The following DOCK7 variants were observed in gnomAD, a reference collection of about 807,000 sequenced individuals.
DOCK7 encodes the protein dedicator of cytokinesis protein 7.
DOCK7 carries 138 observed loss-of-function variants against 271.0 expected under a neutral mutation model. The observed-to-expected ratio is 0.51, with a 90% CI of 0.44 to 0.59. The LOEUF (loss-of-function observed/expected upper bound fraction) is 0.59, where lower values mean the gene tolerates loss of function less well. DOCK7 is among the 20% of genes least tolerant of loss of function. The pLI is 0.00. For missense variants in DOCK7, 2,066 were observed against 2,592.4 expected, an observed-to-expected ratio of 0.80 and a Z score of 4.41; for synonymous variants, 823 against 876.1, an observed-to-expected ratio of 0.94 and a Z score of 1.07.
chr1:62,466,147 T>A (rs1645669099), intron 48 of DOCK7, among the ~76,000 whole-genome samples: 1 of 151,976 alleles, frequency 6.6e-6, no homozygotes, highest in Non-Finnish European at 1.5e-5. Flanking sequence ...CAGATGCCAA[T>A]ACAAAAATCA....
intron 10 of DOCK7, among the ~76,000 whole-genome samples, chr1:62,632,423 G>A (rs369364368): frequency 6.6e-6 from 1 of 152,046 alleles, no homozygotes; most frequent in South Asian, 2.1e-4. Flanking sequence ...GGTAATCAAG[G>A]ATCAAGAAAA....
intron 14 of DOCK7, chr1:62,601,803 A>T: frequency 6.2e-7 from 1 of 1,609,866 alleles, no homozygotes; most frequent in Non-Finnish European, 8.5e-7. Context: ...TTTATAACAG[A>T]GGTGAACATA....
chr1:62,471,863 A>G (rs1645839834), intron 48 of DOCK7, among the ~76,000 whole-genome samples: 1 of 152,162 alleles, frequency 6.6e-6, no homozygotes. Flanking sequence ...TTATAAGTAT[A>G]TTATGACTAC....
intron 12 of DOCK7, among the ~76,000 whole-genome samples, chr1:62,623,356 G>A (rs977117166): frequency 3.9e-5 from 6 of 152,070 alleles, no homozygotes; most frequent in African/African-American, 1.4e-4. Flanking sequence ...TTTCTGTACT[G>A]TAAACATTTT....
At chr1:62,673,910 G>A (rs564886246) in intron 1 of DOCK7, among the ~76,000 whole-genome samples, 5 of 150,538 alleles carry the variant, frequency 3.3e-5, no homozygotes, top group African/African-American at 1.2e-4. Flanking sequence ...AGGGAAGGAA[G>A]GAGAGAGGAA....
At chr1:62,543,106 T>G (rs1645590749) in intron 24 of DOCK7, among the ~76,000 whole-genome samples, 1 of 151,908 alleles carries the variant, frequency 6.6e-6, no homozygotes, top group Admixed American at 6.6e-5. Flanking sequence ...TTTTAAAATT[T>G]AAACTTTGCT....
chr1:62,600,848 T>C (rs747125783), intron 14 of DOCK7, among the ~76,000 whole-genome samples: 15 of 151,956 alleles, frequency 9.9e-5, no homozygotes, highest in Non-Finnish European at 2.1e-4. Flanking sequence ...TTCCGACCAA[T>C]GTCTGCTTTT....
chr1:62,512,710 G>A (rs1443447643), intron 33 of DOCK7, among the ~76,000 whole-genome samples: 1 of 151,528 alleles, frequency 6.6e-6, no homozygotes, highest in Non-Finnish European at 1.5e-5. Context: ...ACTAGCCTGG[G>A]CAATACAGTG....
chr1:62,546,023 C>T (rs1645695739), intron 22 of DOCK7, among the ~76,000 whole-genome samples: 1 of 152,056 alleles, frequency 6.6e-6, no homozygotes, highest in Non-Finnish European at 1.5e-5. Context: ...GTAAGAATAG[C>T]AAAGACAATC....
At chr1:62,476,607 A>G (rs184567137) in intron 44 of DOCK7, among the ~76,000 whole-genome samples, 18 of 152,308 alleles carry the variant, frequency 1.2e-4, no homozygotes, top group Admixed American at 5.2e-4. Flanking sequence ...TTAATCCCAG[A>G]ATTTTCAAAT....
intron 14 of DOCK7, among the ~76,000 whole-genome samples, chr1:62,606,408 C>T (rs573269988): frequency 6.6e-6 from 1 of 151,352 alleles, no homozygotes; most frequent in Non-Finnish European, 1.5e-5. Flanking sequence ...CTTTTTTCTA[C>T]CAGAAAGATA....
At chr1:62,670,865 C>T (rs1468311319) in intron 1 of DOCK7, among the ~76,000 whole-genome samples, 1 of 152,094 alleles carries the variant, frequency 6.6e-6, no homozygotes, top group Non-Finnish European at 1.5e-5. Flanking sequence ...TCCCCTTCCA[C>T]ACTGTGGAAG....
chr1:62,603,943 C>G, intron 14 of DOCK7: 11 of 1,609,246 alleles, frequency 6.8e-6, no homozygotes, highest in Non-Finnish European at 9.3e-6. Flanking sequence ...TAATAACTCA[C>G]AGATTTTTAA....
intron 43 of DOCK7, chr1:62,487,112 G>C (rs1646317372): frequency 3.8e-6 from 1 of 265,410 alleles, no homozygotes; most frequent in African/African-American, 2.2e-5. Context: ...GTTGATGAGA[G>C]AAATGCTTCA....
intron 23 of DOCK7, among the ~76,000 whole-genome samples, chr1:62,544,038 T>G (rs2149402487): frequency 6.6e-6 from 1 of 152,280 alleles, no homozygotes. Context: ...GTGATCTATA[T>G]ACATGCACAT....
At chr1:62,640,794 A>T (rs1409178427) in intron 7 of DOCK7, among the ~76,000 whole-genome samples, 6 of 152,200 alleles carry the variant, frequency 3.9e-5, no homozygotes, top group Non-Finnish European at 8.8e-5. Flanking sequence ...CACAAGGTAG[A>T]GTTCCCCTCC....
At chr1:62,613,933 T>C (rs1199991697) in intron 14 of DOCK7, among the ~76,000 whole-genome samples, 3 of 152,150 alleles carry the variant, frequency 2.0e-5, no homozygotes, top group Admixed American at 6.6e-5. Flanking sequence ...GATAACCACA[T>C]TGGTTCTGTG....
At chr1:62,604,923 AT>A (rs565270071) in intron 14 of DOCK7, 50 of 1,180,012 alleles carry the variant, frequency 4.2e-5, no homozygotes, top group Admixed American at 5.9e-5. Flanking sequence ...TGAGAAATAG[AT>A]TTTTTTTATC....
Position 62,544,930 on chromosome 1 carries a change from T to A in DOCK7, c.2859+17A>T. 1 of 1,540,882 alleles carries A rather than the reference T, an allele frequency of 6.5e-7. No homozygotes were observed. Among genetic ancestry groups the A allele is most frequent in the Non-Finnish European group, 8.8e-7 (1 of 1,139,934 alleles). Reference sequence around the variant, plus strand: ...AACATCAGCAGCCAATAAAGAAACCTCTAATATAAACACCACCTGTGTTGA... The same window carrying A: ...AACATCAGCAGCCAATAAAGAAACCACTAATATAAACACCACCTGTGTTGA... On this transcript the variant is annotated intron_variant, in intron 23 of 49. Coordinates refer to ENST00000635253, the MANE Select transcript of DOCK7 (RefSeq NM_001367561.1).
Sources: gnomAD v4.1 joint callset for allele counts (sites outside exome capture counted in the v4.1 genomes callset) on GRCh38, gnomAD v4.1.1 for gene constraint, MANE v1.5 for transcripts, NCBI Gene and HGNC (gene_info 2026-07-23, HGNC 2026-07-21) for gene names.